The following NRG3 variants were observed in gnomAD, a reference collection of about 807,000 sequenced individuals.
The protein encoded by NRG3 is pro-neuregulin-3, membrane-bound isoform.
Under a neutral mutation model 66.9 loss-of-function variants are expected in NRG3, and 31 were observed. The observed-to-expected ratio is 0.46, with a 90% CI of 0.35 to 0.63. NRG3 has a LOEUF of 0.63. NRG3 is among the 20% of genes least tolerant of loss of function. The probability of loss-of-function intolerance (pLI) is 0.00; values close to 1 mark genes in which losing one functional copy is unlikely to be tolerated. For synonymous variants in NRG3, 393 were observed against 359.4 expected (o/e 1.09, Z -1.06); for missense variants, 910 against 878.9 (o/e 1.04, Z -0.45).
chr10:82,256,418 CT>C (rs1025424745), intron 1 of NRG3, among the ~76,000 whole-genome samples: 1 of 152,174 alleles, frequency 6.6e-6, no homozygotes, highest in Non-Finnish European at 1.5e-5. Context: ...AGTCAGGAAG[CT>C]CTTTTTCTTG....
intron 1 of NRG3, among the ~76,000 whole-genome samples, chr10:82,083,282 T>A (rs12768224): frequency 0.41 from 62,717 of 151,600 alleles, 14,572 homozygotes; most frequent in Non-Finnish European, 0.54. Context: ...TATATTTATA[T>A]TTTTATAAGT....
At chr10:82,847,222 A>G (rs1433689659) in intron 3 of NRG3, among the ~76,000 whole-genome samples, 1 of 152,202 alleles carries the variant, frequency 6.6e-6, no homozygotes, top group African/African-American at 2.4e-5. Flanking sequence ...TGAAAGCCCC[A>G]TTTGGAAATT....
intron 1 of NRG3, among the ~76,000 whole-genome samples, chr10:82,012,392 A>T (rs1255965738): frequency 6.6e-6 from 1 of 150,444 alleles, no homozygotes; most frequent in South Asian, 2.1e-4. Context: ...TGAAGGGAGG[A>T]GCTGCTGTGA....
At chr10:82,961,218 A>G (rs1422714475) in intron 6 of NRG3, among the ~76,000 whole-genome samples, 2 of 152,238 alleles carry the variant, frequency 1.3e-5, no homozygotes, top group African/African-American at 2.4e-5. Context: ...AAAAGTTTGT[A>G]CCTTGAAATC....
In NRG3 at chr10:82,798,894, G is replaced by A. The variant is rs1440461939; in HGVS notation, c.1027+60244G>A. Among the ~76,000 whole-genome samples the A allele has an allele frequency of 2.0e-5, 3 of 152,254 alleles. No homozygotes were observed. The South Asian group carries it at 6.2e-4, about 32-fold the overall frequency. On this transcript the variant is annotated intron_variant, in intron 3 of 8. Transcript: ENST00000372141. Reference sequence around the variant, plus strand: ...TATCTCGGACCCCTTGGGATATAGAGAAGGACTGGCTGGGCTGGAGTCAGT... The same window carrying A: ...TATCTCGGACCCCTTGGGATATAGAAAAGGACTGGCTGGGCTGGAGTCAGT...
At chr10:82,652,430 CG>C (rs1482443445) in intron 2 of NRG3, among the ~76,000 whole-genome samples, 1 of 152,120 alleles carries the variant, frequency 6.6e-6, no homozygotes, top group East Asian at 1.9e-4. Flanking sequence ...AGGGGACAGA[CG>C]AGATGGGAAG....
chr10:82,062,575 C>A (rs771999518), intron 1 of NRG3, among the ~76,000 whole-genome samples: 25 of 149,504 alleles, frequency 1.7e-4, no homozygotes, highest in Non-Finnish European at 3.4e-4. Context: ...TACTGCAGTC[C>A]AGCCTAGGGG....
chr10:82,283,567 A>G (rs2079240582), intron 1 of NRG3, among the ~76,000 whole-genome samples: 1 of 152,188 alleles, frequency 6.6e-6, no homozygotes, highest in Non-Finnish European at 1.5e-5. Flanking sequence ...ATAGTATCCA[A>G]CATTCTATAA....
chr10:82,724,221 C>CGTT, intron 2 of NRG3, among the ~76,000 whole-genome samples: 1 of 150,042 alleles, frequency 6.7e-6, no homozygotes, highest in South Asian at 2.1e-4. Context: ...GCCTATGCTA[C>CGTT]TTTTTTTTTT....
At chr10:82,824,818 G>A (rs2062121303) in intron 3 of NRG3, among the ~76,000 whole-genome samples, 1 of 151,410 alleles carries the variant, frequency 6.6e-6, no homozygotes, top group Non-Finnish European at 1.5e-5. Flanking sequence ...CTGGGCTCAA[G>A]TCATCCCCCC....
chr10:81,924,079 G>T (rs911831544), intron 1 of NRG3, among the ~76,000 whole-genome samples: 5 of 152,164 alleles, frequency 3.3e-5, no homozygotes, highest in African/African-American at 9.7e-5. Context: ...ACCCCGGTGG[G>T]ATTAGTAGAG....
chr10:82,658,079 G>A (rs1175786859), intron 2 of NRG3, among the ~76,000 whole-genome samples: 1 of 151,784 alleles, frequency 6.6e-6, no homozygotes. Flanking sequence ...TCCAAAACCA[G>A]ACAAAGACTT....
intron 4 of NRG3, among the ~76,000 whole-genome samples, chr10:82,869,703 GT>G (rs1298013383): frequency 1.3e-5 from 2 of 151,712 alleles, no homozygotes; most frequent in Admixed American, 6.6e-5. Flanking sequence ...CGCCTCAGGG[GT>G]TCACGCCATT....
chr10:82,257,640 G>A (rs765443210), intron 1 of NRG3, among the ~76,000 whole-genome samples: 4 of 152,012 alleles, frequency 2.6e-5, no homozygotes, highest in East Asian at 1.9e-4. Flanking sequence ...GGTGGTGGGC[G>A]CCTGTAATCC....
At chr10:82,481,965 C>T (rs1229854669) in intron 2 of NRG3, among the ~76,000 whole-genome samples, 1 of 152,016 alleles carries the variant, frequency 6.6e-6, no homozygotes, top group Admixed American at 6.5e-5. Flanking sequence ...TCAGGCTGGG[C>T]AGTAGAGTGA....
intron 1 of NRG3, among the ~76,000 whole-genome samples, chr10:82,322,653 A>T (rs1379521062): frequency 6.6e-6 from 1 of 152,150 alleles, no homozygotes; most frequent in Non-Finnish European, 1.5e-5. Context: ...AATTCAATGC[A>T]TACAGGTAAA....
chr10:82,420,961 A>T (rs1258388968), intron 2 of NRG3, among the ~76,000 whole-genome samples: 2 of 152,140 alleles, frequency 1.3e-5, no homozygotes, highest in Admixed American at 6.6e-5. Flanking sequence ...GACAGATTGG[A>T]GATTGCCAGG....
intron 2 of NRG3, among the ~76,000 whole-genome samples, chr10:82,729,966 A>C (rs1439961551): frequency 6.6e-6 from 1 of 152,178 alleles, no homozygotes; most frequent in Non-Finnish European, 1.5e-5. Flanking sequence ...GATTTGGGCA[A>C]ATGATTTTAA....
chr10:82,931,788 A>T (rs1459189752), intron 4 of NRG3, among the ~76,000 whole-genome samples: 3 of 152,110 alleles, frequency 2.0e-5, no homozygotes, highest in Non-Finnish European at 4.4e-5. Context: ...TCTGAGTGCA[A>T]GAGGGAGGAT....
Sources: allele counts gnomAD v4.1 joint callset (sites outside exome capture counted in the v4.1 genomes callset), GRCh38; gene constraint gnomAD v4.1.1; transcripts MANE v1.5; gene names NCBI Gene and HGNC (gene_info 2026-07-23, HGNC 2026-07-21).